ZNF704: variants seen among roughly 807,000 people sequenced by gnomAD.
The protein encoded by ZNF704 is zinc finger protein 704.
Under a neutral mutation model 44.7 loss-of-function variants are expected in ZNF704, and 10 were observed. The observed-to-expected ratio is 0.22, with a 90% CI of 0.14 to 0.38. The LOEUF (loss-of-function observed/expected upper bound fraction) is 0.38. ZNF704 is among the 10% of genes least tolerant of loss of function. The probability of loss-of-function intolerance (pLI) is 1.00; values close to 1 mark genes in which losing one functional copy is unlikely to be tolerated. For synonymous variants in ZNF704, 211 were observed against 207.6 expected, an observed-to-expected ratio of 1.02 and a Z score of -0.14; for missense variants, 390 against 545.5, an observed-to-expected ratio of 0.71 and a Z score of 2.84.
chr8:80,878,000 C>T (rs1186287846), upstream of ZNF704, among the ~76,000 whole-genome samples: 4 of 152,186 alleles, frequency 2.6e-5, no homozygotes, highest in African/African-American at 9.6e-5. Context: ...ACTCGCAGCC[C>T]TGGACTCTGT....
chr8:80,877,729 C>T (rs1290791769), upstream of ZNF704, among the ~76,000 whole-genome samples: 1 of 152,168 alleles, frequency 6.6e-6, no homozygotes, highest in Non-Finnish European at 1.5e-5. Flanking sequence ...AGTGCCAGGT[C>T]TTGTTCTTGG....
chr8:80,773,412 C>T (rs1196509188), intron 2 of ZNF704, among the ~76,000 whole-genome samples: 1 of 152,166 alleles, frequency 6.6e-6, no homozygotes, highest in African/African-American at 2.4e-5. Flanking sequence ...TTTAGTCTCC[C>T]ATTTTTAATT....
At chr8:80,721,022 C>T (rs1344865793) in intron 2 of ZNF704, among the ~76,000 whole-genome samples, 2 of 152,204 alleles carry the variant, frequency 1.3e-5, no homozygotes, top group Non-Finnish European at 1.5e-5. Flanking sequence ...GTGACCACCA[C>T]CCTTCTTGTA....
intron 2 of ZNF704, among the ~76,000 whole-genome samples, chr8:80,752,970 C>T (rs1806972789): frequency 6.6e-6 from 1 of 152,186 alleles, no homozygotes; most frequent in Non-Finnish European, 1.5e-5. Context: ...ATTCATGTTT[C>T]AAAGCTGGCT....
intron 4 of ZNF704, among the ~76,000 whole-genome samples, chr8:80,685,428 G>A (rs963870233): frequency 4.6e-5 from 7 of 152,164 alleles, no homozygotes; most frequent in African/African-American, 1.7e-4. Context: ...CCTGGGCCAT[G>A]CCTATTGAGT....
intron 2 of ZNF704, among the ~76,000 whole-genome samples, chr8:80,768,088 A>T (rs1020360275): frequency 6.6e-6 from 1 of 152,200 alleles, no homozygotes; most frequent in African/African-American, 2.4e-5. Context: ...CTTTGAGTGT[A>T]GATTATATTG....
chr8:80,756,407 G>C (rs1319742740), intron 2 of ZNF704, among the ~76,000 whole-genome samples: 1 of 152,158 alleles, frequency 6.6e-6, no homozygotes, highest in Non-Finnish European at 1.5e-5. Context: ...AACCCCATGA[G>C]GAGGTATTGT....
intron 2 of ZNF704, among the ~76,000 whole-genome samples, chr8:80,697,164 G>C (rs906579320): frequency 1.3e-5 from 2 of 152,188 alleles, no homozygotes; most frequent in African/African-American, 2.4e-5. Context: ...AGGGTCCTAC[G>C]TGAGGGATGT....
chr8:80,768,228 AACAAGACTACAGT>A (rs1807260666), intron 2 of ZNF704, among the ~76,000 whole-genome samples: 1 of 152,200 alleles, frequency 6.6e-6, no homozygotes, highest in Non-Finnish European at 1.5e-5. Context: ...AATACTAAGA[AACAAGACTACAGT>A]ACAAAACTAA....
intron 2 of ZNF704, among the ~76,000 whole-genome samples, chr8:80,708,939 C>T (rs557230025): frequency 6.6e-6 from 1 of 151,950 alleles, no homozygotes; most frequent in African/African-American, 2.4e-5. Flanking sequence ...AGTTAGCAAG[C>T]ACATAGACCA....
At chr8:80,840,905 A>G (rs1328297388) in intron 1 of ZNF704, among the ~76,000 whole-genome samples, 1 of 152,184 alleles carries the variant, frequency 6.6e-6, no homozygotes, top group Non-Finnish European at 1.5e-5. Flanking sequence ...ACCATTCCCA[A>G]TTTCTATCTG....
intron 1 of ZNF704, among the ~76,000 whole-genome samples, chr8:80,821,882 T>TG (rs1171214159): frequency 1.3e-5 from 2 of 152,154 alleles, no homozygotes. Flanking sequence ...ATTTGAAAAG[T>TG]GTAATACCTC....
At chr8:80,877,185 GAAAAAAAAAAAAAA>G (rs5892744), upstream of ZNF704, among the ~76,000 whole-genome samples, 166 of 59,728 alleles carry the variant, frequency 2.8e-3, no homozygotes, top group African/African-American at 8.6e-3. Context: ...CTCTGAATGG[GAAAAAAAAAAAAAA>G]AAAAAAAAAA....
At chr8:80,728,350 C>A (rs773667646) in intron 2 of ZNF704, among the ~76,000 whole-genome samples, 1 of 152,188 alleles carries the variant, frequency 6.6e-6, no homozygotes, top group Admixed American at 6.5e-5. Context: ...CTTGTGGATG[C>A]ATGGCAATGT....
At chr8:80,705,461 C>G (rs116623605) in intron 2 of ZNF704, among the ~76,000 whole-genome samples, 300 of 150,894 alleles carry the variant, frequency 2.0e-3, no homozygotes, top group African/African-American at 6.9e-3. Flanking sequence ...GTGTCTCTCT[C>G]TGTGTGCACA....
rs1809320320 is a variant in ZNF704 at position 80,874,252 on chromosome 8, G to A, written c.-22+319C>T. On this transcript the variant is annotated intron_variant, in intron 1 of 8. Transcript: ENST00000327835. The surrounding 1 kb of genome is among the most constrained non-coding windows in gnomAD (Gnocchi z 4.4). ...CCGGCCGGCGGGGACGCCGGCGGCC[G>A]GCGGCTACGGCGGGGCGGCGCGGCG... Among the ~76,000 whole-genome samples, 1 of 145,222 alleles carries A rather than the reference G, an allele frequency of 6.9e-6. No homozygotes were observed. The highest frequency in any genetic ancestry group is 6.8e-5 in the Admixed American group (1 of 14,684).
chr8:80,641,675 C>T (rs888746613), intron 8 of ZNF704, among the ~76,000 whole-genome samples, 198 bp from the exon 9 acceptor site: 3 of 152,030 alleles, frequency 2.0e-5, no homozygotes, highest in Non-Finnish European at 2.9e-5. Flanking sequence ...TGAGACCAGC[C>T]TGTCAACATG....
intron 1 of ZNF704, among the ~76,000 whole-genome samples, chr8:80,865,864 A>G (rs970916254): frequency 6.6e-6 from 1 of 152,114 alleles, no homozygotes; most frequent in African/African-American, 2.4e-5. Context: ...ACTTTCAAGG[A>G]GAGTCTGAAC....
chr8:80,749,628 T>C (rs1484058947), intron 2 of ZNF704: 1 of 153,288 alleles, frequency 6.5e-6, no homozygotes, highest in Non-Finnish European at 1.5e-5. Flanking sequence ...AATCTCTTGA[T>C]GTTTATTCTG....
Sources: gnomAD v4.1 joint callset for allele counts (sites outside exome capture counted in the v4.1 genomes callset) on GRCh38, gnomAD v4.1.1 for gene constraint, Gnocchi (gnomAD v3.1) non-coding constraint, MANE v1.5 for transcripts, NCBI Gene and HGNC (gene_info 2026-07-23, HGNC 2026-07-21) for gene names.